The following FER1L6 variants were observed in gnomAD, a reference collection of about 807,000 sequenced individuals.
FER1L6 encodes fer-1 like family member 6, also known as fer-1-like protein 6.
In FER1L6, 177 loss-of-function variants were observed where a neutral mutation model predicts 219.2. The observed-to-expected ratio is 0.81, with a 90% confidence interval of 0.71 to 0.91. The LOEUF (loss-of-function observed/expected upper bound fraction) is 0.91. FER1L6 is among the 40% of genes least tolerant of loss of function. The pLI is 0.00. For synonymous variants in FER1L6, 768 were observed against 824.3 expected, an observed-to-expected ratio of 0.93 and a Z score of 1.17; for missense variants, 2,153 against 2,259.9, an observed-to-expected ratio of 0.95 and a Z score of 0.96.
chr8:124,098,622 C>A (rs1469815972), intron 37 of FER1L6, among the ~76,000 whole-genome samples: 3 of 152,104 alleles, frequency 2.0e-5, no homozygotes, highest in Admixed American at 6.6e-5. Context: ...AGGAGCATGA[C>A]ACAAAATGAA....
In FER1L6 at chr8:124,092,230, A is replaced by T. The variant is rs140136705; in HGVS notation, c.4552+647A>T. On this transcript the variant is annotated intron_variant, in intron 34 of 40. Coordinates refer to ENST00000522917, the MANE Select transcript of FER1L6 (RefSeq NM_001039112.2). ...TTGTTCTTTGAAATGATCAGTGATG[A>T]TATGCCTTTTTACGGTTATGCCATT... 5.5e-3 allele frequency among the ~76,000 whole-genome samples: 837 copies of T among 152,218 alleles called. 6 individuals are homozygous for T. Among genetic ancestry groups the T allele is most frequent in the African/African-American group, 0.017 (699 of 41,510 alleles).
At chr8:123,866,397 G>A (rs554393888) in intron 1 of FER1L6, among the ~76,000 whole-genome samples, 46 of 151,690 alleles carry the variant, frequency 3.0e-4, no homozygotes, top group Non-Finnish European at 4.6e-4. Flanking sequence ...TCCTTTGATG[G>A]TCACTGAGGT....
chr8:123,924,609 T>C (rs537356356), intron 1 of FER1L6: 18 of 152,336 alleles, frequency 1.2e-4, no homozygotes, highest in African/African-American at 3.6e-4. Context: ...GGGCACACTC[T>C]GTCTGTCTTA....
intron 12 of FER1L6, among the ~76,000 whole-genome samples, chr8:123,992,694 C>A (rs1021882845): frequency 1.3e-5 from 2 of 152,060 alleles, no homozygotes; most frequent in African/African-American, 4.8e-5. Context: ...TTTTTGGTTT[C>A]AATTTCATTT....
At chr8:124,081,102 G>A (rs1004708434) in intron 32 of FER1L6, among the ~76,000 whole-genome samples, 1 of 152,166 alleles carries the variant, frequency 6.6e-6, no homozygotes, top group Admixed American at 6.5e-5. Context: ...CAGCAGCCCA[G>A]ACAGCCCTGT....
intron 39 of FER1L6, among the ~76,000 whole-genome samples, chr8:124,107,331 T>G (rs1275504963): frequency 6.6e-6 from 1 of 152,190 alleles, no homozygotes; most frequent in Non-Finnish European, 1.5e-5. Context: ...ATGAACACAT[T>G]AGTACACATT....
intron 1 of FER1L6, among the ~76,000 whole-genome samples, chr8:123,954,387 A>G (rs1473097945): frequency 1.3e-5 from 2 of 152,124 alleles, no homozygotes; most frequent in Admixed American, 1.3e-4. Context: ...AGTTCACTCC[A>G]CTGTTCAAAC....
At chr8:123,854,658 C>T (rs1816597112) in intron 1 of FER1L6, among the ~76,000 whole-genome samples, 1 of 152,156 alleles carries the variant, frequency 6.6e-6, no homozygotes, top group Non-Finnish European at 1.5e-5. Flanking sequence ...AGGCCCTTCT[C>T]ATTTTGTCTA....
intron 12 of FER1L6, among the ~76,000 whole-genome samples, chr8:123,992,258 A>G (rs1816895136): frequency 6.6e-6 from 1 of 152,136 alleles, no homozygotes; most frequent in Non-Finnish European, 1.5e-5. Context: ...CTTTTGGAAT[A>G]GTTTCAGTAG....
intron 1 of FER1L6, among the ~76,000 whole-genome samples, chr8:123,891,648 T>G (rs1202209658): frequency 6.6e-6 from 1 of 152,228 alleles, no homozygotes; most frequent in African/African-American, 2.4e-5. Context: ...AATAGGACTT[T>G]TTGTAGTATC....
intron 12 of FER1L6, among the ~76,000 whole-genome samples, chr8:123,994,035 G>A (rs1277065077): frequency 1.3e-5 from 2 of 152,240 alleles, no homozygotes; most frequent in African/African-American, 4.8e-5. Context: ...CCATGCACAA[G>A]TTTTCTCCTT....
intron 20 of FER1L6, among the ~76,000 whole-genome samples, chr8:124,044,684 TG>T (rs1048839619): frequency 1.3e-5 from 2 of 152,226 alleles, no homozygotes; most frequent in Non-Finnish European, 2.9e-5. Context: ...GAAAGAAATG[TG>T]GTTTTGAACT....
intron 1 of FER1L6, among the ~76,000 whole-genome samples, chr8:123,936,474 T>G (rs1053079157): frequency 2.2e-5 from 2 of 92,930 alleles, no homozygotes; most frequent in Non-Finnish European, 4.9e-5. Context: ...TTTTTTTTTT[T>G]TTTTTTTTTT....
chr8:124,005,306 T>C (rs1817607970), intron 13 of FER1L6, among the ~76,000 whole-genome samples: 1 of 152,260 alleles, frequency 6.6e-6, no homozygotes, highest in Non-Finnish European at 1.5e-5. Flanking sequence ...CCGTAGCTTA[T>C]GGATTTGATC....
In FER1L6 at chr8:124,023,543, G is replaced by A. The variant is rs756373102; in HGVS notation, c.2233G>A (p.Val745Ile). The A allele has an allele frequency of 3.7e-6, 6 of 1,614,036 alleles. No homozygotes were observed. The African/African-American group carries it at 5.3e-5, about 14-fold the overall frequency. The change falls in exon 18 of 41, where the codon GTC becomes ATC. Residue 745 changes from valine (V) to isoleucine (I), a missense_variant. By Grantham distance (29) the Val-to-Ile change is conservative. Coordinates refer to ENST00000522917, the MANE Select transcript of FER1L6 (RefSeq NM_001039112.2). ...CTCCAAAGACCTCCTCTATTCCCCT[G>A]TCGCGGGGCAGATGGGCAAACACTG... ...IASKDLLYSP[V>I]AGQMGKHCGK...
In FER1L6 at chr8:124,060,293, AC is replaced by A. The variant is rs762418022; in HGVS notation, c.2985+4del. ...TGCTGAGCAAATACCGAGTGGAGGTACGGGTCAGCGGAGGAGCTGAGTTGTT... is the reference window on the plus strand; with the variant it reads ...TGCTGAGCAAATACCGAGTGGAGGTAGGGTCAGCGGAGGAGCTGAGTTGTT... On this transcript the variant is annotated splice_donor_region_variant and intron_variant, in intron 23 of 40. Coordinates refer to ENST00000522917, the MANE Select transcript of FER1L6 (RefSeq NM_001039112.2). 9.9e-6 allele frequency: 16 copies of A among 1,613,624 alleles called. No homozygotes were observed. In the African/African-American group the frequency reaches 2.1e-4, roughly 22 times the overall value.
In FER1L6 at chr8:123,938,155, G is replaced by A. The variant is rs147146473; in HGVS notation, c.-7-17837G>A. ...GGACAGAGAAGAAGGAAAACCTGAGGAGGCTCAGTTTAAGTCTCTTGACCC... is the reference window on the plus strand; with the variant it reads ...GGACAGAGAAGAAGGAAAACCTGAGAAGGCTCAGTTTAAGTCTCTTGACCC... On this transcript the variant is annotated intron_variant, in intron 1 of 40. Coordinates refer to ENST00000522917, the MANE Select transcript of FER1L6 (RefSeq NM_001039112.2). Among the ~76,000 whole-genome samples, 31 of 152,298 alleles carry A rather than the reference G, an allele frequency of 2.0e-4. No homozygotes were observed. The East Asian group carries it at 5.0e-3, about 25-fold the overall frequency.
At chr8:123,961,981 CT>C (rs1172166950) in intron 2 of FER1L6, among the ~76,000 whole-genome samples, 13 of 150,936 alleles carry the variant, frequency 8.6e-5, no homozygotes, top group Non-Finnish European at 1.5e-5. Flanking sequence ...TCTCCACCTA[CT>C]GGGTTCAAGC....
At chr8:123,959,722 G>A (rs1451853059) in intron 2 of FER1L6, among the ~76,000 whole-genome samples, 1 of 152,166 alleles carries the variant, frequency 6.6e-6, no homozygotes, top group Admixed American at 6.5e-5. Context: ...TTTAAAAGGT[G>A]AGTCCCCTGG....
Sources: allele counts gnomAD v4.1 joint callset (sites outside exome capture counted in the v4.1 genomes callset), GRCh38; gene constraint gnomAD v4.1.1; transcripts MANE v1.5; gene names NCBI Gene and HGNC (gene_info 2026-07-23, HGNC 2026-07-21).